The following ITK variants were observed in gnomAD, a reference collection of about 807,000 sequenced individuals.
ITK encodes the protein tyrosine-protein kinase ITK/TSK.
ITK carries 45 observed loss-of-function variants against 87.6 expected under a neutral mutation model. The ratio of observed to expected loss-of-function variants is 0.51; its 90% CI spans 0.40 to 0.66. The LOEUF (loss-of-function observed/expected upper bound fraction) is 0.66. ITK is among the 30% of genes least tolerant of loss of function. The pLI is 0.00. For missense variants in ITK, 605 were observed against 766.3 expected, an observed-to-expected ratio of 0.79 and a Z score of 2.48; for synonymous variants, 303 against 273.6, an observed-to-expected ratio of 1.11 and a Z score of -1.06.
chr5:157,220,336 AT>A (rs1392556481), intron 5 of ITK, among the ~76,000 whole-genome samples: 1 of 152,060 alleles, frequency 6.6e-6, no homozygotes, highest in Non-Finnish European at 1.5e-5. Context: ...ACAAATTCCG[AT>A]TCCTCTTGGC....
At chr5:157,183,409 G>A (rs1044456871) in intron 1 of ITK, among the ~76,000 whole-genome samples, 17 of 152,172 alleles carry the variant, frequency 1.1e-4, no homozygotes, top group African/African-American at 3.1e-4. Flanking sequence ...GAGGTATAAT[G>A]TCTTTAGGCT....
intron 1 of ITK, among the ~76,000 whole-genome samples, chr5:157,202,716 C>T (rs1754001041): frequency 6.6e-6 from 1 of 152,044 alleles, no homozygotes; most frequent in Non-Finnish European, 1.5e-5. Context: ...AATCACCTAA[C>T]AATTTGAAAT....
intron 6 of ITK, among the ~76,000 whole-genome samples, chr5:157,227,494 A>G (rs761221072): frequency 2.0e-5 from 3 of 152,200 alleles, no homozygotes; most frequent in Non-Finnish European, 4.4e-5. Flanking sequence ...GCCTTAAATT[A>G]AAAAGCTTAC....
intron 2 of ITK, among the ~76,000 whole-genome samples, chr5:157,210,884 TCTTAAA>T (rs1279558915): frequency 2.6e-5 from 4 of 151,964 alleles, no homozygotes; most frequent in African/African-American, 9.7e-5. Flanking sequence ...TTCTTGTGAG[TCTTAAA>T]CTATTTCAAA....
intron 1 of ITK, among the ~76,000 whole-genome samples, chr5:157,200,343 A>T (rs1373401341): frequency 6.6e-6 from 1 of 152,212 alleles, no homozygotes; most frequent in African/African-American, 2.4e-5. Context: ...ATGCAGACAG[A>T]ATAACAAGTA....
At chr5:157,186,631 G>A (rs927904275) in intron 1 of ITK, among the ~76,000 whole-genome samples, 2 of 151,938 alleles carry the variant, frequency 1.3e-5, no homozygotes, top group Non-Finnish European at 2.9e-5. Flanking sequence ...AGCCAAGATT[G>A]TGCGATTGCA....
rs201838461 is a variant in ITK at position 157,233,932 on chromosome 5, CATATAT to C, written c.768+1565_768+1570del. The stretch of plus-strand genomic sequence containing the variant: ...GTTGAAACATTCCTCCTTACTGATA[CATATAT>C]ATATATATATATATATATATATATA... On this transcript the variant is annotated intron_variant, in intron 8 of 16. Coordinates refer to ENST00000422843, the MANE Select transcript of ITK (RefSeq NM_005546.4). Among the ~76,000 whole-genome samples, 168 of 21,516 alleles carry C rather than the reference CATATAT, an allele frequency of 7.8e-3. 4 individuals carry two copies. Among genetic ancestry groups the C allele is most frequent in the African/African-American group, 0.027 (141 of 5,226 alleles). The allele number at this position is 21,516 out of a possible 152,430, so 14.1% of individuals were successfully genotyped here.
chr5:157,198,549 T>A (rs1753896943), intron 1 of ITK, among the ~76,000 whole-genome samples: 1 of 152,102 alleles, frequency 6.6e-6, no homozygotes, highest in African/African-American at 2.4e-5. Context: ...AGGTGTGGGA[T>A]GGATCAGTTT....
intron 8 of ITK, among the ~76,000 whole-genome samples, chr5:157,234,178 G>A (rs1026214866): frequency 5.3e-5 from 8 of 150,828 alleles, no homozygotes; most frequent in African/African-American, 1.7e-4. Context: ...ACGGGGTGTC[G>A]CCCTGTTGGC....
intron 6 of ITK, among the ~76,000 whole-genome samples, chr5:157,224,559 C>A (rs1580895213): frequency 6.6e-6 from 1 of 152,248 alleles, no homozygotes; most frequent in Admixed American, 6.5e-5. Context: ...GTGGGCTGAT[C>A]ACCTGAGGTC....
chr5:157,246,140 G>A (rs1561665448), intron 15 of ITK, 141 bp downstream of exon 15: 1 of 748,536 alleles, frequency 1.3e-6, no homozygotes, highest in Non-Finnish European at 2.4e-6. Flanking sequence ...GTGTAAGAAA[G>A]GCCCCGAAAA....
intron 4 of ITK, among the ~76,000 whole-genome samples, chr5:157,216,389 A>G (rs152113): frequency 0.23 from 34,361 of 152,148 alleles, 4,451 homozygotes; most frequent in Admixed American, 0.29. Context: ...GGGAGATTCA[A>G]TGGTGTTGTG....
intron 8 of ITK, among the ~76,000 whole-genome samples, chr5:157,233,054 G>A (rs986073812): frequency 3.9e-5 from 6 of 152,234 alleles, no homozygotes; most frequent in African/African-American, 1.4e-4. Context: ...GATTAAGGGC[G>A]AAAGGGAAGA....
At chr5:157,237,164 C>T (rs13176569) in intron 8 of ITK, among the ~76,000 whole-genome samples, 2,685 of 152,320 alleles carry the variant, frequency 0.018, 30 homozygotes, top group Non-Finnish European at 0.027. Flanking sequence ...CAACAGTGGA[C>T]TGGATAAAGA....
At chr5:157,246,632 T>C (rs1755024287) in intron 15 of ITK, among the ~76,000 whole-genome samples, 1 of 151,432 alleles carries the variant, frequency 6.6e-6, no homozygotes, top group South Asian at 2.1e-4. Flanking sequence ...TGGGGCAGAG[T>C]GACTAGGATA....
At position 157,250,723 on chromosome 5, in the gene ITK, G is replaced by T. The variant is rs535609201; in HGVS notation, c.1791+1716G>T. 4.3e-3 allele frequency among the ~76,000 whole-genome samples: 652 copies of T among 152,150 alleles called. 4 individuals carry two copies. Among genetic ancestry groups the T allele is most frequent in the African/African-American group, 0.015 (620 of 41,506 alleles). On this transcript the variant is annotated intron_variant, in intron 16 of 16. Transcript: ENST00000422843. ...GGTAGAAACAGGGTTTTGCCATGCT[G>T]CCCAGGTGAGTTCAGGCAATCAATC...
chr5:157,216,339 A>G (rs1754297932), intron 4 of ITK, among the ~76,000 whole-genome samples: 1 of 152,178 alleles, frequency 6.6e-6, no homozygotes, highest in Non-Finnish European at 1.5e-5. Context: ...TCTCACCTGC[A>G]ATATGGGGAT....
chr5:157,181,972 G>A (rs1753540480), intron 1 of ITK, among the ~76,000 whole-genome samples: 1 of 152,156 alleles, frequency 6.6e-6, no homozygotes. Context: ...TCCAGTCTGG[G>A]CAAATGTCTA....
At chr5:157,210,430 AGTT>A (rs1229472755) in intron 2 of ITK, among the ~76,000 whole-genome samples, 1 of 152,116 alleles carries the variant, frequency 6.6e-6, no homozygotes, top group East Asian at 1.9e-4. Flanking sequence ...TGTATTTTTC[AGTT>A]GTTCAAAATC....
Sources: gnomAD v4.1 joint callset for allele counts (sites outside exome capture counted in the v4.1 genomes callset) on GRCh38, gnomAD v4.1.1 for gene constraint, MANE v1.5 for transcripts, NCBI Gene and HGNC (gene_info 2026-07-23, HGNC 2026-07-21) for gene names.